Variants in TRPC4AP observed in about 807,000 individuals in gnomAD.
TRPC4AP encodes the protein short transient receptor potential channel 4-associated protein.
Under a neutral mutation model 99.0 loss-of-function variants are expected in TRPC4AP, and 45 were observed. That is an observed-to-expected ratio of 0.45 (90% CI 0.36 to 0.58). The LOEUF (loss-of-function observed/expected upper bound fraction) is 0.58, where lower values mean the gene tolerates loss of function less well. Among genes scored for constraint, TRPC4AP ranks in the 20% least tolerant of loss-of-function variants. TRPC4AP has a pLI of 0.00. For missense variants in TRPC4AP, 879 were observed against 985.3 expected (o/e 0.89, Z 1.44); for synonymous variants, 408 against 385.8 (o/e 1.06, Z -0.67).
At chr20:35,080,013 T>TAAAAAAAAAAAAAA in intron 1 of TRPC4AP, among the ~76,000 whole-genome samples, 1 of 93,846 alleles carries the variant, frequency 1.1e-5, no homozygotes, top group Non-Finnish European at 2.0e-5. Flanking sequence ...CAGAGCAAGA[T>TAAAAAAAAAAAAAA]AAAAAAAAAA....
In TRPC4AP at chr20:35,059,477, C is replaced by T. The variant is rs145936088; in HGVS notation, c.415-1906G>A. ...AAGATTGAGACCACCCTGGCCAACA[C>T]AGCAAGACCCCATGTCTCTACAAAT... On this transcript the variant is annotated intron_variant, in intron 3 of 18. Transcript: ENST00000252015. Among the ~76,000 whole-genome samples, 148 of 152,200 alleles carry T rather than the reference C, an allele frequency of 9.7e-4. 1 individual carries two copies. The highest frequency in any genetic ancestry group is 3.4e-3 in the Middle Eastern group (1 of 294).
chr20:35,042,082 T>C (rs1366336604), intron 7 of TRPC4AP, among the ~76,000 whole-genome samples: 2 of 152,242 alleles, frequency 1.3e-5, no homozygotes, highest in African/African-American at 4.8e-5. Flanking sequence ...TACATATGTA[T>C]ATATGTGCCA....
At position 35,067,891 on chromosome 20, in the gene TRPC4AP, G is replaced by A. The variant is rs141292147; in HGVS notation, c.414+1405C>T. Reference sequence around the variant, plus strand: ...GGGAGTGCTAGATAAAACACATGGAGTTTCTTTTTTGAGGTGATGAAAATG... The same window carrying A: ...GGGAGTGCTAGATAAAACACATGGAATTTCTTTTTTGAGGTGATGAAAATG... On this transcript the variant is annotated intron_variant, in intron 3 of 18. Transcript: ENST00000252015. 7.3e-3 allele frequency among the ~76,000 whole-genome samples: 1,114 copies of A among 152,226 alleles called. 12 individuals are homozygous for A. The highest frequency in any genetic ancestry group is 0.024 in the African/African-American group (986 of 41,528).
intron 1 of TRPC4AP, among the ~76,000 whole-genome samples, chr20:35,079,988 C>T (rs1296779272): frequency 7.1e-6 from 1 of 141,670 alleles, no homozygotes; most frequent in Non-Finnish European, 1.5e-5. Flanking sequence ...CACCACTGCA[C>T]TCCAGCCTGG....
At chr20:35,051,455 G>A (rs2083698623) in intron 5 of TRPC4AP, among the ~76,000 whole-genome samples, 1 of 151,902 alleles carries the variant, frequency 6.6e-6, no homozygotes, top group African/African-American at 2.4e-5. Context: ...CTACAGGCGT[G>A]CACCACCGCA....
At chr20:35,039,946 G>A (rs2083409166) in intron 7 of TRPC4AP, among the ~76,000 whole-genome samples, 2 of 151,060 alleles carry the variant, frequency 1.3e-5, no homozygotes, top group Admixed American at 6.6e-5. Context: ...CTGAGCCCCA[G>A]GAAGATAGTG....
At chr20:35,022,720 G>A (rs1204915649) in intron 8 of TRPC4AP, among the ~76,000 whole-genome samples, 5 of 152,146 alleles carry the variant, frequency 3.3e-5, no homozygotes, top group Non-Finnish European at 5.9e-5. Context: ...TATCAAGACA[G>A]AAGACCCTAA....
chr20:35,005,736 G>C lies in TRPC4AP; in HGVS notation c.1895C>G (p.Thr632Ser). 1.2e-6 allele frequency: 2 copies of C among 1,614,242 alleles called. No individual in the cohort carries two copies. The highest frequency in any genetic ancestry group is 1.7e-6 in the Non-Finnish European group (2 of 1,180,030). The change falls in exon 16 of 19, where the codon ACT becomes AGT. Residue 632 changes from threonine (T) to serine (S), a missense_variant. Physicochemically the swap from Thr to Ser is moderately conservative, Grantham distance 58. This residue lies in a region of TRPC4AP where 224 missense variants were observed against 264.7 expected (regional missense o/e 0.85). Transcript: ENST00000252015. ...VDSNMLVRCV[T>S]LSLDRFENQV... The stretch of plus-strand genomic sequence containing the variant: ...GTTTTCAAATCGGTCCAGGGACAGA[G>C]TGACACAGCGCACCAGCATGTTGGA...
chr20:35,038,500 T>C (rs2083374617), intron 7 of TRPC4AP, among the ~76,000 whole-genome samples: 1 of 152,154 alleles, frequency 6.6e-6, no homozygotes, highest in South Asian at 2.1e-4. Context: ...CATATAATTC[T>C]ATATATACTA....
chr20:35,040,449 G>A (rs1019517187), intron 7 of TRPC4AP, among the ~76,000 whole-genome samples: 4 of 152,132 alleles, frequency 2.6e-5, no homozygotes, highest in Non-Finnish European at 4.4e-5. Flanking sequence ...CAGGATCTTT[G>A]GCTTTTGGTC....
intron 3 of TRPC4AP, among the ~76,000 whole-genome samples, chr20:35,066,097 G>A (rs537569119): frequency 1.3e-5 from 2 of 152,126 alleles, no homozygotes; most frequent in Admixed American, 6.6e-5. Context: ...ACGTGATACC[G>A]CATAAAGAGT....
At chr20:35,007,463 T>A (rs567498716) in intron 14 of TRPC4AP, 87 bp downstream of exon 14, 17 of 1,354,528 alleles carry the variant, frequency 1.3e-5, no homozygotes, top group Middle Eastern at 4.1e-4. Flanking sequence ...CTGCTCCTGA[T>A]GAACTGTTTG....
chr20:35,064,176 G>T (rs1407203), intron 3 of TRPC4AP, among the ~76,000 whole-genome samples: 89,278 of 152,030 alleles, frequency 0.59, 27,198 homozygotes, highest in Middle Eastern at 0.74. Context: ...ATATACGTAT[G>T]TATTTTTTAT....
At chr20:35,043,172 A>G (rs1374193975) in intron 7 of TRPC4AP, among the ~76,000 whole-genome samples, 1 of 152,198 alleles carries the variant, frequency 6.6e-6, no homozygotes, top group Non-Finnish European at 1.5e-5. Context: ...AATATTGAAT[A>G]CACTAAGCAG....
At chr20:35,051,514 C>T (rs1437252168) in intron 5 of TRPC4AP, among the ~76,000 whole-genome samples, 5 of 150,554 alleles carry the variant, frequency 3.3e-5, no homozygotes, top group Non-Finnish European at 7.4e-5. Flanking sequence ...AGATGTGCCA[C>T]GTATATAAAT....
chr20:35,073,082 T>C (rs1208283121), intron 2 of TRPC4AP, among the ~76,000 whole-genome samples: 1 of 152,172 alleles, frequency 6.6e-6, no homozygotes, highest in Non-Finnish European at 1.5e-5. Context: ...TGGCTGTCTG[T>C]TATTGGTGTA....
At chr20:35,086,429 ATATGTGTGTGTGTGTGTGTGTGTG>A (rs2084850673) in intron 1 of TRPC4AP, among the ~76,000 whole-genome samples, 1 of 117,802 alleles carries the variant, frequency 8.5e-6, no homozygotes, top group Non-Finnish European at 1.7e-5. Context: ...AATGAATGGC[ATATGTGTGTGTGTGTGTGTGTGTG>A]TGTGTGTGTG....
At chr20:35,037,065 G>A (rs1282537273) in intron 7 of TRPC4AP, among the ~76,000 whole-genome samples, 1 of 152,004 alleles carries the variant, frequency 6.6e-6, no homozygotes, top group East Asian at 1.9e-4. Context: ...TCAAAAAGTT[G>A]GCCAGGCACG....
chr20:35,086,495 A>ATG (rs1569157724), intron 1 of TRPC4AP, among the ~76,000 whole-genome samples: 7 of 109,158 alleles, frequency 6.4e-5, no homozygotes, highest in African/African-American at 2.1e-4. Flanking sequence ...GTATATATAT[A>ATG]TGTGTATATA....
Sources: gnomAD v4.1 joint callset for allele counts (sites outside exome capture counted in the v4.1 genomes callset) on GRCh38, gnomAD v4.1.1 for gene constraint, gnomAD v4.1.1 regional missense constraint, MANE v1.5 for transcripts, NCBI Gene and HGNC (gene_info 2026-07-23, HGNC 2026-07-21) for gene names.